Variants in ATP8A2 observed in about 807,000 individuals in gnomAD.
The protein encoded by ATP8A2 is ATPase phospholipid transporting 8A2.
Under a neutral mutation model 165.6 loss-of-function variants are expected in ATP8A2, and 100 were observed. The ratio of observed to expected loss-of-function variants is 0.60; its 90% CI spans 0.51 to 0.71. The LOEUF (loss-of-function observed/expected upper bound fraction) is 0.71. ATP8A2 is among the 30% of genes least tolerant of loss of function. ATP8A2 has a pLI of 0.00. For missense variants in ATP8A2, 1,227 were observed against 1,479.5 expected (o/e 0.83, Z 2.80); for synonymous variants, 543 against 548.8 (o/e 0.99, Z 0.15).
Position 25,936,264 on chromosome 13 carries a change from A to C in ATP8A2, c.3184-25311A>C, listed in dbSNP as rs545108706. On this transcript the variant is annotated intron_variant, in intron 33 of 36. Coordinates refer to ENST00000381655, the MANE Select transcript of ATP8A2 (RefSeq NM_016529.6). Reference sequence around the variant, plus strand: ...CTGATGCTCATGAGCATGTATGCTCATCTGACGGCCAGTCCTTGCTGATTC... The same window carrying C: ...CTGATGCTCATGAGCATGTATGCTCCTCTGACGGCCAGTCCTTGCTGATTC... 3.3e-5 allele frequency among the ~76,000 whole-genome samples: 5 copies of C among 152,332 alleles called. No individual in the cohort carries two copies. In the East Asian group the frequency reaches 5.8e-4, roughly 18 times the overall value.
chr13:25,929,340 C>T (rs973758010), intron 33 of ATP8A2, among the ~76,000 whole-genome samples: 2 of 152,104 alleles, frequency 1.3e-5, no homozygotes, highest in Non-Finnish European at 2.9e-5. Flanking sequence ...GGTGAGGCTG[C>T]AAGCAAGAGG....
intron 3 of ATP8A2, among the ~76,000 whole-genome samples, chr13:25,530,312 G>C (rs1012503151): frequency 6.6e-6 from 1 of 152,192 alleles, no homozygotes; most frequent in Non-Finnish European, 1.5e-5. Flanking sequence ...ACTGAAAGAG[G>C]CATTGAAAAG....
At chr13:25,945,279 G>A (rs530302647) in intron 33 of ATP8A2, among the ~76,000 whole-genome samples, 5 of 129,042 alleles carry the variant, frequency 3.9e-5, no homozygotes, top group Admixed American at 1.6e-4. Flanking sequence ...TGTCAAATGC[G>A]TGGCTACTTA....
intron 27 of ATP8A2, among the ~76,000 whole-genome samples, chr13:25,780,071 G>T (rs550534168): frequency 2.0e-5 from 3 of 152,208 alleles, no homozygotes; most frequent in Admixed American, 1.3e-4. Flanking sequence ...TCTGGGAAAA[G>T]GTTATTTGGA....
At chr13:25,834,971 T>TA (rs1288555933) in intron 28 of ATP8A2, among the ~76,000 whole-genome samples, 2 of 127,530 alleles carry the variant, frequency 1.6e-5, no homozygotes, top group African/African-American at 5.9e-5. Flanking sequence ...TGAAACAAAT[T>TA]ATGATCCCTA....
At chr13:25,523,364 T>C (rs919660821) in intron 2 of ATP8A2, among the ~76,000 whole-genome samples, 1 of 151,618 alleles carries the variant, frequency 6.6e-6, no homozygotes, top group African/African-American at 2.4e-5. Flanking sequence ...CCTTGACTTC[T>C]GGGGCTTAGA....
chr13:25,465,246 A>T (rs540906862), intron 1 of ATP8A2, among the ~76,000 whole-genome samples: 18 of 152,140 alleles, frequency 1.2e-4, no homozygotes, highest in Non-Finnish European at 2.1e-4. Context: ...TTTTTTTTGA[A>T]AATTTTTTTT....
At chr13:25,547,286 C>A (rs1046771428) in intron 10 of ATP8A2, among the ~76,000 whole-genome samples, 2 of 151,972 alleles carry the variant, frequency 1.3e-5, no homozygotes, top group African/African-American at 4.8e-5. Flanking sequence ...GGCCCTACAG[C>A]AGGAGGAGAG....
At chr13:25,611,139 C>G (rs1477840375) in intron 24 of ATP8A2, among the ~76,000 whole-genome samples, 2 of 152,014 alleles carry the variant, frequency 1.3e-5, no homozygotes, top group African/African-American at 2.4e-5. Context: ...CCCTTTATTT[C>G]TTTCTCTTTT....
At chr13:25,878,063 G>A (rs754906034) in intron 33 of ATP8A2, among the ~76,000 whole-genome samples, 8 of 152,206 alleles carry the variant, frequency 5.3e-5, no homozygotes, top group South Asian at 2.1e-4. Flanking sequence ...CTCTAGAGAA[G>A]AATGGGGGTT....
At position 25,427,019 on chromosome 13, in the gene ATP8A2, G is replaced by A. The variant is rs757460033; in HGVS notation, c.77-41958G>A. 5.9e-5 allele frequency among the ~76,000 whole-genome samples: 9 copies of A among 152,234 alleles called. 1 individual carries two copies. Among genetic ancestry groups the A allele is most frequent in the Middle Eastern group, 3.4e-3 (1 of 294 alleles). On this transcript the variant is annotated intron_variant, in intron 1 of 36. Coordinates refer to ENST00000381655, the MANE Select transcript of ATP8A2 (RefSeq NM_016529.6). ...CTTGTAACAAATGTAAAACACCAGC[G>A]CAAGATGTTAATAAAGGGGGAAAGC...
chr13:25,756,621 C>G (rs1043700952), intron 25 of ATP8A2, among the ~76,000 whole-genome samples: 1 of 152,178 alleles, frequency 6.6e-6, no homozygotes, highest in East Asian at 1.9e-4. Context: ...GTTGTGACCT[C>G]GGGCATACTG....
intron 26 of ATP8A2, 93 bp from the exon 27 acceptor site, chr13:25,774,756 C>T (rs1272315791): frequency 2.8e-6 from 2 of 718,346 alleles, no homozygotes; most frequent in East Asian, 2.6e-5. Context: ...CCTCTACCTA[C>T]ATTATCTGAC....
At chr13:25,707,106 T>C (rs903415774) in intron 25 of ATP8A2, among the ~76,000 whole-genome samples, 6 of 152,192 alleles carry the variant, frequency 3.9e-5, no homozygotes, top group Admixed American at 3.9e-4. Flanking sequence ...ATGCAGATTT[T>C]GTAGTATATT....
intron 1 of ATP8A2, among the ~76,000 whole-genome samples, chr13:25,437,019 C>A (rs543187501): frequency 2.5e-4 from 38 of 152,264 alleles, no homozygotes; most frequent in African/African-American, 8.7e-4. Flanking sequence ...TCAAGTGACC[C>A]ACCAGCCTCA....
intron 33 of ATP8A2, among the ~76,000 whole-genome samples, chr13:25,932,870 G>A (rs1255096517): frequency 1.3e-5 from 2 of 151,766 alleles, no homozygotes; most frequent in African/African-American, 2.4e-5. Flanking sequence ...TTTTTGAGAC[G>A]GAGTCTCACT....
chr13:25,816,274 C>T (rs1326118), intron 27 of ATP8A2, among the ~76,000 whole-genome samples: 87,368 of 152,038 alleles, frequency 0.57, 25,395 homozygotes, highest in East Asian at 0.7. Context: ...GGAATGTGTG[C>T]ACAGCTGCTC....
intron 27 of ATP8A2, among the ~76,000 whole-genome samples, chr13:25,784,041 C>T (rs2044957394): frequency 6.6e-6 from 1 of 152,120 alleles, no homozygotes; most frequent in South Asian, 2.1e-4. Context: ...TACACAATCA[C>T]TTTGAACTTT....
At chr13:25,512,688 A>G (rs1242916247) in intron 2 of ATP8A2, among the ~76,000 whole-genome samples, 1 of 113,504 alleles carries the variant, frequency 8.8e-6, no homozygotes, top group Non-Finnish European at 1.8e-5. Context: ...CGGGGGGCTG[A>G]CCCCCCAACC....
Sources: gnomAD v4.1 joint callset for allele counts (sites outside exome capture counted in the v4.1 genomes callset) on GRCh38, gnomAD v4.1.1 for gene constraint, MANE v1.5 for transcripts, NCBI Gene and HGNC (gene_info 2026-07-23, HGNC 2026-07-21) for gene names.